Variants in PRDM16 observed in about 807,000 individuals in gnomAD.
The protein encoded by PRDM16 is PR/SET domain 16, also known as histone-lysine N-methyltransferase PRDM16.
In PRDM16, 23 loss-of-function variants were observed where a neutral mutation model predicts 110.6. The ratio of observed to expected loss-of-function variants is 0.21; its 90% CI spans 0.15 to 0.29. The LOEUF is 0.29. Ranked by LOEUF, PRDM16 falls within the 10% of genes least tolerant of loss-of-function variation. The probability of loss-of-function intolerance (pLI) is 1.00; values close to 1 mark genes in which losing one functional copy is unlikely to be tolerated. For synonymous variants in PRDM16, 799 were observed against 781.8 expected, an observed-to-expected ratio of 1.02 and a Z score of -0.37; for missense variants, 1,615 against 1,794.3, an observed-to-expected ratio of 0.90 and a Z score of 1.81.
intron 3 of PRDM16, among the ~76,000 whole-genome samples, chr1:3,249,596 A>C (rs1443896670): frequency 6.6e-6 from 1 of 152,212 alleles, no homozygotes; most frequent in African/African-American, 2.4e-5. Context: ...GAACCCTGCT[A>C]TCCAAATTAT....
intron 3 of PRDM16, among the ~76,000 whole-genome samples, chr1:3,269,561 C>A (rs1640380545): frequency 7.1e-6 from 1 of 140,880 alleles, no homozygotes; most frequent in African/African-American, 2.8e-5. Flanking sequence ...AAGACAGTCC[C>A]AGAGGAGGAC....
intron 1 of PRDM16, among the ~76,000 whole-genome samples, chr1:3,124,906 C>A (rs1041301972): frequency 1.3e-5 from 2 of 152,210 alleles, no homozygotes; most frequent in Non-Finnish European, 2.9e-5. Flanking sequence ...GGAGAAGGGG[C>A]CCCAGGTCTC....
At chr1:3,306,790 AAAAAG>A (rs1232487781) in intron 3 of PRDM16, 1 of 152,152 alleles carries the variant, frequency 6.6e-6, no homozygotes, top group Non-Finnish European at 1.5e-5. Flanking sequence ...TTATCACTGA[AAAAAG>A]AAACCACACA....
At chr1:3,375,194 G>C (rs1484833337) in intron 3 of PRDM16, among the ~76,000 whole-genome samples, 1 of 152,182 alleles carries the variant, frequency 6.6e-6, no homozygotes, top group African/African-American at 2.4e-5. Flanking sequence ...GTGTGACTCA[G>C]AGGTCAGTCT....
intron 2 of PRDM16, among the ~76,000 whole-genome samples, chr1:3,204,446 G>C (rs1638706127): frequency 6.6e-6 from 1 of 152,192 alleles, no homozygotes; most frequent in Non-Finnish European, 1.5e-5. Flanking sequence ...TCTAGAGAGG[G>C]AACCTTACCG....
At chr1:3,102,351 C>T (rs1642553590) in intron 1 of PRDM16, among the ~76,000 whole-genome samples, 1 of 152,226 alleles carries the variant, frequency 6.6e-6, no homozygotes, top group Non-Finnish European at 1.5e-5. Context: ...ACTCCTACAG[C>T]AGTCTTCCAG....
intron 3 of PRDM16, among the ~76,000 whole-genome samples, chr1:3,376,915 A>G (rs911910700): frequency 4.0e-5 from 6 of 151,258 alleles, no homozygotes; most frequent in Non-Finnish European, 3.0e-5. Context: ...CCAGCCCCCT[A>G]TTGGGCATCA....
At chr1:3,219,749 T>C (rs1359855151) in intron 2 of PRDM16, among the ~76,000 whole-genome samples, 2 of 152,140 alleles carry the variant, frequency 1.3e-5, no homozygotes, top group Non-Finnish European at 2.9e-5. Flanking sequence ...CGCCCTGCAT[T>C]TCAAGGCTCT....
At chr1:3,341,732 G>A (rs1642276928) in intron 3 of PRDM16, among the ~76,000 whole-genome samples, 1 of 152,218 alleles carries the variant, frequency 6.6e-6, no homozygotes, top group African/African-American at 2.4e-5. Context: ...ACACCCTCTT[G>A]CTGTGTGGGG....
chr1:3,199,995 C>G (rs1202741620), intron 2 of PRDM16, among the ~76,000 whole-genome samples: 1 of 152,268 alleles, frequency 6.6e-6, no homozygotes, highest in Non-Finnish European at 1.5e-5. Flanking sequence ...CTCCCAGGGT[C>G]TTGCTGGGGA....
chr1:3,146,596 C>A (rs957868769), intron 1 of PRDM16, among the ~76,000 whole-genome samples: 1 of 128,506 alleles, frequency 7.8e-6, no homozygotes, highest in African/African-American at 3.1e-5. Context: ...TATGTGTGCA[C>A]GTGTGTGCTC....
rs754343098 is a variant in PRDM16 at position 3,405,549 on chromosome 1, G to T, written c.1087G>T (p.Ala363Ser). 1.9e-6 allele frequency: 3 copies of T among 1,607,634 alleles called. No individual in the cohort carries two copies. Among genetic ancestry groups the T allele is most frequent in the East Asian group, 2.2e-5 (1 of 44,546 alleles). The change falls in exon 8 of 17, where the codon GCT (alanine) becomes TCT (serine). Residue 363 changes from alanine to serine, a missense_variant. Physicochemically the swap from Ala to Ser is moderately conservative, Grantham distance 99. Around this residue, in one of 5 missense-constraint regions of PRDM16, gnomAD observed 82 missense variants for 144.4 expected, o/e 0.57. Transcript: ENST00000270722. Reference protein sequence around the residue: ...QRHIRSQHVGARAHACPDCGK... With the variant: ...QRHIRSQHVGSRAHACPDCGK... ...GCACATCCGCTCGCAGCACGTGGGC[G>T]CTCGGGCCCACGCCTGCCCCGACTG...
chr1:3,303,390 G>A (rs1377983521), intron 3 of PRDM16, among the ~76,000 whole-genome samples: 2 of 152,218 alleles, frequency 1.3e-5, no homozygotes, highest in Admixed American at 1.3e-4. Context: ...CGGTGAACAC[G>A]CGTCAGTCTC....
At position 3,412,475 on chromosome 1, in the gene PRDM16, G is replaced by C; in HGVS notation, c.2278G>C (p.Asp760His). 6.2e-7 allele frequency: 1 copy of C among 1,613,416 alleles called. No individual in the cohort carries two copies. The highest frequency in any genetic ancestry group is 1.7e-5 in the Admixed American group (1 of 60,026). Residue 760 changes from aspartate to histidine, a missense_variant, in exon 9 of 17, where the codon GAC becomes CAC. Coordinates refer to ENST00000270722, the MANE Select transcript of PRDM16 (RefSeq NM_022114.4). ...LVKAEPKSPR[D>H]ALKVGGPSAE... ...CAAGGCCGAGCCAAAGTCACCCCGG[G>C]ACGCCCTCAAGGTGGGCGGCCCCAG...
At chr1:3,087,422 C>T (rs1322395400) in intron 1 of PRDM16, among the ~76,000 whole-genome samples, 1 of 152,224 alleles carries the variant, frequency 6.6e-6, no homozygotes, top group Non-Finnish European at 1.5e-5. Context: ...CCTGGACGTC[C>T]CACTCTGGAT....
intron 3 of PRDM16, among the ~76,000 whole-genome samples, chr1:3,372,845 C>T (rs959852628): frequency 2.0e-5 from 3 of 152,190 alleles, no homozygotes; most frequent in Admixed American, 6.5e-5. Context: ...GTCAGGGCCA[C>T]GGACGGGGTT....
rs142168133 is a variant in PRDM16, at chr1:3,426,288, C to A, written c.3284+63C>A. The stretch of plus-strand genomic sequence containing the variant: ...CGGCCAACAGCCCTGCGTGGCCACC[C>A]TCAGAGGACATGCACCTCCACCCCA... On this transcript the variant is annotated intron_variant, in intron 14 of 16. Transcript: ENST00000270722. The A allele has an allele frequency of 1.7e-3, 2,476 of 1,419,028 alleles. 42 individuals carry two copies. The African/African-American group carries it at 0.031, about 18-fold the overall frequency. 87.9% of individuals were successfully genotyped at this position (1,419,028 alleles called of 1,614,324 possible).
At chr1:3,123,334 C>G (rs908145244) in intron 1 of PRDM16, among the ~76,000 whole-genome samples, 5 of 152,206 alleles carry the variant, frequency 3.3e-5, no homozygotes, top group African/African-American at 1.2e-4. Context: ...GGGTTCAAAG[C>G]AATGTATCTC....
At chr1:3,248,665 G>C (rs1188726256) in intron 3 of PRDM16, among the ~76,000 whole-genome samples, 1 of 152,164 alleles carries the variant, frequency 6.6e-6, no homozygotes, top group Non-Finnish European at 1.5e-5. Flanking sequence ...AATCTCTCCC[G>C]GTTATTATTA....
Sources: allele counts gnomAD v4.1 joint callset (sites outside exome capture counted in the v4.1 genomes callset), GRCh38; gene constraint gnomAD v4.1.1; regional missense constraint gnomAD v4.1.1; transcripts MANE v1.5; gene names NCBI Gene and HGNC (gene_info 2026-07-23, HGNC 2026-07-21).